Variants in SATB1 observed in about 807,000 individuals in gnomAD.
SATB1 encodes the protein DNA-binding protein SATB1.
In SATB1, 11 loss-of-function variants were observed where a neutral mutation model predicts 86.9. The ratio of observed to expected loss-of-function variants is 0.13; its 90% confidence interval spans 0.08 to 0.21. The LOEUF (loss-of-function observed/expected upper bound fraction) is 0.21. SATB1 is among the 10% of genes least tolerant of loss of function. The pLI, the probability that SATB1 is intolerant of heterozygous loss-of-function variation, is 1.00. For missense variants in SATB1, 551 were observed against 937.6 expected, an observed-to-expected ratio of 0.59 and a Z score of 5.39; for synonymous variants, 357 against 357.2, an observed-to-expected ratio of 1.00 and a Z score of 0.01.
chr3:18,362,794 T>C (rs1398504006), intron 9 of SATB1, among the ~76,000 whole-genome samples: 4 of 147,090 alleles, frequency 2.7e-5, no homozygotes, highest in Non-Finnish European at 6.0e-5. Flanking sequence ...TTATAATATT[T>C]ATTTTCCTAT....
At chr3:18,411,671 T>C (rs1262668969) in intron 5 of SATB1, among the ~76,000 whole-genome samples, 3 of 152,070 alleles carry the variant, frequency 2.0e-5, no homozygotes, top group Admixed American at 1.3e-4. Context: ...GAATGCACCA[T>C]CCAACTTATC....
In SATB1 at chr3:18,367,985, T is replaced by C. The variant is rs572336365; in HGVS notation, c.1575+10185A>G. Among the ~76,000 whole-genome samples the C allele has an allele frequency of 7.2e-5, 11 of 152,308 alleles. No individual in the cohort carries two copies. In the South Asian group the frequency reaches 2.1e-3, roughly 29 times the overall value. ...AGTAGCTGTACAAAAAACTTCAGGGTTATTAAAGCAAGGGCATTAGCAATG... is the reference window on the plus strand; with the variant it reads ...AGTAGCTGTACAAAAAACTTCAGGGCTATTAAAGCAAGGGCATTAGCAATG... On this transcript the variant is annotated intron_variant, in intron 9 of 10. Coordinates refer to ENST00000338745, the MANE Select transcript of SATB1 (RefSeq NM_002971.6).
chr3:18,424,228 A>C lies in SATB1; in HGVS notation c.-626T>G, dbSNP rs552922028. The C allele has an allele frequency of 1.3e-5, 2 of 152,214 alleles. No individual in the cohort carries two copies. The highest frequency in any genetic ancestry group is 4.8e-5 in the African/African-American group (2 of 41,520). 9.4% of individuals were successfully genotyped at this position (152,214 alleles called of 1,614,324 possible). ...CGGGTTCTTCGGTGTGAGGACAGAA[A>C]GTCTACTTCTGGCTGTCACTTGCAA... On this transcript the variant is annotated 5_prime_UTR_variant, in exon 1 of 11. Transcript: ENST00000338745.
At chr3:18,426,394 T>C (rs1428746988), upstream of SATB1, among the ~76,000 whole-genome samples, 2 of 152,200 alleles carry the variant, frequency 1.3e-5, no homozygotes, top group African/African-American at 4.8e-5. The surrounding 1 kb of genome is among the most constrained non-coding windows in gnomAD (Gnocchi z 4.2). Context: ...ATGCCATCAT[T>C]CTTCAAATAA....
intron 9 of SATB1, among the ~76,000 whole-genome samples, chr3:18,369,324 A>C (rs535969293): frequency 1.6e-4 from 25 of 151,982 alleles, no homozygotes; most frequent in Non-Finnish European, 3.1e-4. Flanking sequence ...CCCCTCCACA[A>C]AAAAAAACTT....
intron 6 of SATB1, among the ~76,000 whole-genome samples, chr3:18,395,759 T>C (rs533260241): frequency 6.6e-6 from 1 of 152,312 alleles, no homozygotes; most frequent in South Asian, 2.1e-4. Context: ...TTGCAATTTA[T>C]TCCCACCTAC....
intron 9 of SATB1, among the ~76,000 whole-genome samples, chr3:18,354,391 T>C (rs766403402): frequency 6.6e-6 from 1 of 152,148 alleles, no homozygotes; most frequent in Admixed American, 6.5e-5. Context: ...GCTATCATAA[T>C]TGACAGAACC....
At position 18,397,308 on chromosome 3, in the gene SATB1, G is replaced by A. The variant is rs770021128; in HGVS notation, c.640-18C>T. ...ATCATACTCTGCATGAAGAAGGGGG[G>A]AGAATATTTGTAATACACAGCAGCA... On this transcript the variant is annotated intron_variant, in intron 5 of 10. Transcript: ENST00000338745. 21 of 1,344,398 alleles carry A rather than the reference G, an allele frequency of 1.6e-5. No individual in the cohort carries two copies. Among genetic ancestry groups the A allele is most frequent in the Admixed American group, 5.0e-5 (3 of 59,604 alleles). The allele number at this position is 1,344,398 out of a possible 1,614,324, so 83.3% of individuals were successfully genotyped here. A position where few individuals can be genotyped will look rare whatever the true frequency, so the allele number is the denominator to read the frequency against.
intron 9 of SATB1, among the ~76,000 whole-genome samples, chr3:18,373,011 G>A (rs1373428608): frequency 6.6e-6 from 1 of 152,152 alleles, no homozygotes; most frequent in East Asian, 1.9e-4. Flanking sequence ...TGTCTTACTT[G>A]TCTTCTTGTT....
At chr3:18,400,047 C>T (rs1172545484) in intron 5 of SATB1, among the ~76,000 whole-genome samples, 1 of 151,902 alleles carries the variant, frequency 6.6e-6, no homozygotes, top group Non-Finnish European at 1.5e-5. Context: ...GTGCACATGG[C>T]ATTTGAAAAA....
Position 18,412,341 on chromosome 3 carries a change from A to T in SATB1, c.639+2770T>A, listed in dbSNP as rs752981011. 1.1e-4 allele frequency among the ~76,000 whole-genome samples: 16 copies of T among 152,132 alleles called. No homozygotes were observed. In the Middle Eastern group the frequency reaches 0.01, roughly 97 times the overall value. Reference sequence around the variant, plus strand: ...AGAGCATTGGAGGCAGGGCTTATTCAACACCCCAGGCAAAATCCTGGTGGC... The same window carrying T: ...AGAGCATTGGAGGCAGGGCTTATTCTACACCCCAGGCAAAATCCTGGTGGC... On this transcript the variant is annotated intron_variant, in intron 5 of 10. Transcript: ENST00000338745.
Position 18,347,086 on chromosome 3 carries a change from T to C in SATB1, c.*2084A>G, listed in dbSNP as rs1694094596. ...GGAACTTTAAAGCTTTATTGAAAGT[T>C]TTCAATGATTCCACTTCAGTTTCTA... is the stretch of plus-strand genomic sequence containing the variant. On this transcript the variant is annotated 3_prime_UTR_variant, in exon 11 of 11. Transcript: ENST00000338745. The C allele has an allele frequency of 6.8e-6, 1 of 146,524 alleles. No homozygotes were observed. 9.1% of individuals were successfully genotyped at this position (146,524 alleles called of 1,614,324 possible). A position where few individuals can be genotyped will look rare whatever the true frequency, so the allele number is the denominator to read the frequency against.
intron 5 of SATB1, among the ~76,000 whole-genome samples, chr3:18,412,731 C>T (rs573015109): frequency 3.3e-5 from 5 of 152,096 alleles, no homozygotes; most frequent in African/African-American, 1.2e-4. Context: ...GTAGTTTTGT[C>T]AAACTTGGCA....
At position 18,372,059 on chromosome 3, in the gene SATB1, C is replaced by T. The variant is rs1575105236; in HGVS notation, c.1575+6111G>A. 2.0e-5 allele frequency among the ~76,000 whole-genome samples: 3 copies of T among 152,214 alleles called. No homozygotes were observed. In the East Asian group the frequency reaches 5.8e-4, roughly 29 times the overall value. The stretch of plus-strand genomic sequence containing the variant: ...CTTTATAGAATATTCTTAGTTTACA[C>T]TTTTCAGCTTACACTAACATTTTAG... On this transcript the variant is annotated intron_variant, in intron 9 of 10. Coordinates refer to ENST00000338745, the MANE Select transcript of SATB1 (RefSeq NM_002971.6).
At chr3:18,427,138 T>C (rs577796174), upstream of SATB1, among the ~76,000 whole-genome samples, 230 of 152,322 alleles carry the variant, frequency 1.5e-3, 1 homozygote, top group African/African-American at 5.3e-3. Context: ...CAAATGATAG[T>C]AAATTTTTAA....
chr3:18,395,068 C>T, intron 6 of SATB1, 152 bp from the exon 7 acceptor site: 1 of 611,680 alleles, frequency 1.6e-6, no homozygotes, highest in East Asian at 2.8e-5. Context: ...ACTTACCAGG[C>T]TGTGTTTTTG....
At chr3:18,415,260 GGATT>G in intron 4 of SATB1, 26 bp from the exon 5 acceptor site, 1 of 1,611,146 alleles carries the variant, frequency 6.2e-7, no homozygotes, top group South Asian at 1.1e-5. Context: ...ATTAGAAAGG[GGATT>G]ATTACAAGAT....
intron 9 of SATB1, among the ~76,000 whole-genome samples, chr3:18,375,181 G>A (rs371000545): frequency 1.3e-5 from 2 of 152,228 alleles, no homozygotes; most frequent in South Asian, 4.2e-4. Context: ...CTCAGATCAG[G>A]GTAGTACTTC....
upstream of SATB1, among the ~76,000 whole-genome samples, chr3:18,439,347 G>A (rs1229331784): frequency 6.6e-6 from 1 of 152,136 alleles, no homozygotes; most frequent in Non-Finnish European, 1.5e-5. Flanking sequence ...CCAATATGTT[G>A]AAGAAATGCT....
Sources: allele counts gnomAD v4.1 joint callset (sites outside exome capture counted in the v4.1 genomes callset), GRCh38; gene constraint gnomAD v4.1.1; non-coding constraint Gnocchi (gnomAD v3.1); transcripts MANE v1.5; gene names NCBI Gene and HGNC (gene_info 2026-07-23, HGNC 2026-07-21).